Variants in IQCM observed in about 807,000 individuals in gnomAD.
IQCM encodes IQ motif containing M.
A neutral mutation model predicts 57.6 loss-of-function variants in IQCM; 45 were observed. The ratio of observed to expected loss-of-function variants is 0.78; its 90% CI spans 0.62 to 1.00. The LOEUF (loss-of-function observed/expected upper bound fraction) is 1.00, where lower values mean the gene tolerates loss of function less well. Among genes scored for constraint, IQCM ranks in the 50% least tolerant of loss-of-function variants. The pLI is 0.00. For synonymous variants in IQCM, 148 were observed against 158.9 expected, an observed-to-expected ratio of 0.93 and a Z score of 0.51; for missense variants, 468 against 511.6, an observed-to-expected ratio of 0.91 and a Z score of 0.82.
At chr4:149,435,572 T>TAAAAAA (rs112641970) in intron 12 of IQCM, among the ~76,000 whole-genome samples, 71 of 139,802 alleles carry the variant, frequency 5.1e-4, no homozygotes, top group African/African-American at 1.8e-3. Flanking sequence ...TTCTACTTAT[T>TAAAAAA]AAAAAAAAAA....
intron 13 of IQCM, among the ~76,000 whole-genome samples, chr4:149,395,905 T>C (rs1732192366): frequency 6.6e-6 from 1 of 151,962 alleles, no homozygotes; most frequent in Non-Finnish European, 1.5e-5. Flanking sequence ...CAGTTTTACT[T>C]TTTCCCAATT....
chr4:149,374,655 G>T (rs1451339035), intron 13 of IQCM, among the ~76,000 whole-genome samples: 3 of 152,044 alleles, frequency 2.0e-5, no homozygotes, highest in Admixed American at 6.6e-5. Flanking sequence ...AAATAATAAT[G>T]CTATTAATGA....
At chr4:149,559,465 C>T (rs925134503) in intron 10 of IQCM, among the ~76,000 whole-genome samples, 5 of 152,116 alleles carry the variant, frequency 3.3e-5, no homozygotes, top group Non-Finnish European at 7.3e-5. Flanking sequence ...GCCTCTCAGC[C>T]TCCCAGTATA....
rs1405082045 is a variant in IQCM, at chr4:149,574,411, A to G, written c.750-10521T>C. On this transcript the variant is annotated intron_variant, in intron 9 of 13. Transcript: ENST00000636793. Reference sequence around the variant, plus strand: ...ACAAGTTTTCATCACAGAAGAGACCACTCCACTTGTTTTCATGCCACCTCC... The same window carrying G: ...ACAAGTTTTCATCACAGAAGAGACCGCTCCACTTGTTTTCATGCCACCTCC... Among the ~76,000 whole-genome samples the G allele has an allele frequency of 5.9e-5, 9 of 151,884 alleles. No homozygotes were observed. In the Admixed American group the frequency reaches 5.9e-4, roughly 10 times the overall value.
At chr4:149,695,581 C>T (rs17687220) in intron 5 of IQCM, among the ~76,000 whole-genome samples, 24,301 of 151,956 alleles carry the variant, frequency 0.16, 2,303 homozygotes, top group South Asian at 0.34. Context: ...GAAATGATCA[C>T]CACAGAAACA....
intron 12 of IQCM, among the ~76,000 whole-genome samples, chr4:149,481,405 T>C (rs931437524): frequency 1.3e-5 from 2 of 152,130 alleles, no homozygotes; most frequent in African/African-American, 4.8e-5. Context: ...TATTTAAGTC[T>C]TTAATCTATC....
chr4:149,403,688 A>G (rs1294185074), intron 13 of IQCM, among the ~76,000 whole-genome samples: 2 of 151,984 alleles, frequency 1.3e-5, no homozygotes, highest in East Asian at 3.9e-4. Context: ...CATCAAATCC[A>G]GAGCATAATG....
chr4:149,456,121 G>A (rs1313105491), intron 12 of IQCM, among the ~76,000 whole-genome samples: 2 of 152,204 alleles, frequency 1.3e-5, no homozygotes, highest in East Asian at 3.9e-4. Context: ...CATGACATGA[G>A]AGTGTTCAGA....
At chr4:149,696,602 ATAATC>A (rs1763359352) in intron 5 of IQCM, among the ~76,000 whole-genome samples, 1 of 152,162 alleles carries the variant, frequency 6.6e-6, no homozygotes, top group African/African-American at 2.4e-5. Flanking sequence ...TATCTCAAAT[ATAATC>A]TATTTAATGG....
chr4:149,462,085 A>G (rs1738360266), intron 12 of IQCM, among the ~76,000 whole-genome samples: 1 of 152,130 alleles, frequency 6.6e-6, no homozygotes, highest in Non-Finnish European at 1.5e-5. Flanking sequence ...TTTTATATGT[A>G]ATACATATTG....
chr4:149,729,461 GTT>G (rs34484810), intron 5 of IQCM, among the ~76,000 whole-genome samples: 229 of 144,658 alleles, frequency 1.6e-3, no homozygotes, highest in African/African-American at 4.5e-3. Context: ...TTTTTTTGTT[GTT>G]TTTTTTTTTG....
rs1444196147 is a variant in IQCM at position 149,489,439 on chromosome 4, G to A, written c.1229-55882C>T. Among the ~76,000 whole-genome samples, 4 of 152,092 alleles carry A rather than the reference G, an allele frequency of 2.6e-5. No individual in the cohort carries two copies. The East Asian group carries it at 7.8e-4, about 29-fold the overall frequency. On this transcript the variant is annotated intron_variant, in intron 12 of 13. Transcript: ENST00000636793. Reference sequence around the variant, plus strand: ...TGGTAGGTTAATCTCATTCAGTGAGGTATAGAAACTCAATAATGAGTGCTA... The same window carrying A: ...TGGTAGGTTAATCTCATTCAGTGAGATATAGAAACTCAATAATGAGTGCTA...
intron 10 of IQCM, among the ~76,000 whole-genome samples, chr4:149,555,232 T>C (rs1395995006): frequency 1.3e-5 from 2 of 152,158 alleles, no homozygotes; most frequent in African/African-American, 4.8e-5. Context: ...CTTTTGTCTT[T>C]TAAAAAAAAT....
At chr4:149,653,702 G>A (rs1194688674) in intron 7 of IQCM, among the ~76,000 whole-genome samples, 1 of 151,992 alleles carries the variant, frequency 6.6e-6, no homozygotes, top group African/African-American at 2.4e-5. Context: ...TTACCAAAAT[G>A]GTCATACATC....
intron 13 of IQCM, among the ~76,000 whole-genome samples, chr4:149,382,984 T>A (rs1044758169): frequency 6.8e-6 from 1 of 146,170 alleles, no homozygotes; most frequent in African/African-American, 2.5e-5. Context: ...AATGGTCATA[T>A]TCTTCAGCAA....
At chr4:149,527,926 T>A (rs760442289) in intron 12 of IQCM, among the ~76,000 whole-genome samples, 7 of 152,014 alleles carry the variant, frequency 4.6e-5, no homozygotes, top group Non-Finnish European at 8.8e-5. Context: ...AGTCATCTTG[T>A]ACATAATAGG....
chr4:149,620,086 G>A (rs535272488), intron 8 of IQCM, among the ~76,000 whole-genome samples: 6 of 152,144 alleles, frequency 3.9e-5, no homozygotes, highest in African/African-American at 1.2e-4. Context: ...AAACCCGGCA[G>A]GTGGAGGTTG....
intron 2 of IQCM, among the ~76,000 whole-genome samples, chr4:149,769,798 T>C (rs78644293): frequency 0.016 from 2,435 of 152,070 alleles, 64 homozygotes; most frequent in African/African-American, 0.055. Context: ...AGTAAAAACC[T>C]AATAAAACTG....
At chr4:149,697,484 C>A (rs973899423) in intron 5 of IQCM, among the ~76,000 whole-genome samples, 1 of 152,024 alleles carries the variant, frequency 6.6e-6, no homozygotes, top group East Asian at 1.9e-4. Flanking sequence ...TGTCTGGTAG[C>A]CTGAAATCAG....
Sources: allele counts gnomAD v4.1 joint callset (sites outside exome capture counted in the v4.1 genomes callset), GRCh38; gene constraint gnomAD v4.1.1; transcripts MANE v1.5; gene names NCBI Gene and HGNC (gene_info 2026-07-23, HGNC 2026-07-21).